The following SREBF2 variants were observed in gnomAD, a reference collection of about 807,000 sequenced individuals.
SREBF2 encodes sterol regulatory element binding transcription factor 2, also known as sterol regulatory element-binding protein 2.
In SREBF2, 55 loss-of-function variants were observed where a neutral mutation model predicts 113.1. That is an observed-to-expected ratio of 0.49 (90% confidence interval 0.39 to 0.61). SREBF2 has a LOEUF of 0.61. Among genes scored for constraint, SREBF2 ranks in the 20% least tolerant of loss-of-function variants. The pLI is 0.00. For missense variants in SREBF2, 1,349 were observed against 1,487.4 expected (o/e 0.91, Z 1.53); for synonymous variants, 593 against 605.7 (o/e 0.98, Z 0.31).
chr22:41,853,128 C>T (rs1301392653), intron 1 of SREBF2, among the ~76,000 whole-genome samples: 2 of 152,162 alleles, frequency 1.3e-5, no homozygotes, highest in Non-Finnish European at 2.9e-5. Context: ...CCATGTAAAC[C>T]AGAATGAGCA....
rs2077502321 is a variant in SREBF2, at chr22:41,905,686, C to G, written c.*26C>G. ...CCACCAGGCTCAGCCCACCCCTCCA[C>G]CTCTCTCTCGATTTCTCTCTCTCCC... is the stretch of plus-strand genomic sequence containing the variant. On this transcript the variant is annotated 3_prime_UTR_variant, in exon 19 of 19. Coordinates refer to ENST00000361204, the MANE Select transcript of SREBF2 (RefSeq NM_004599.4). 5.2e-6 allele frequency: 8 copies of G among 1,549,700 alleles called. No individual in the cohort carries two copies. The Middle Eastern group carries it at 1.0e-3, about 193-fold the overall frequency.
At chr22:41,841,498 C>T (rs1413458503) in intron 1 of SREBF2, among the ~76,000 whole-genome samples, 2 of 152,196 alleles carry the variant, frequency 1.3e-5, no homozygotes, top group Admixed American at 6.5e-5. Flanking sequence ...GTCTATTTGG[C>T]CTCGCCCTTG....
At chr22:41,874,729 A>G (rs1055693729) in intron 5 of SREBF2, among the ~76,000 whole-genome samples, 1 of 152,168 alleles carries the variant, frequency 6.6e-6, no homozygotes. Flanking sequence ...AACATGGTGA[A>G]ACCCCGTCTC....
intron 16 of SREBF2, among the ~76,000 whole-genome samples, chr22:41,901,964 T>C (rs6002527): frequency 0.14 from 21,301 of 152,238 alleles, 2,241 homozygotes; most frequent in African/African-American, 0.3. Context: ...TGCCCACAGG[T>C]GCTTCTGCAG....
rs745959339 is a variant in SREBF2 at position 41,900,896 on chromosome 22, A to T, written c.2907+398A>T. On this transcript the variant is annotated intron_variant, in intron 16 of 18. Transcript: ENST00000361204. ...CTCGGGCACACAAACAGAGCTGAAG[A>T]CCACCCTGGGCACCTCCTTGGCTGG... The T allele has an allele frequency of 2.1e-5, 11 of 525,880 alleles. 1 individual carries two copies. Among genetic ancestry groups the T allele is most frequent in the Middle Eastern group, 3.1e-4 (1 of 3,218 alleles). 32.6% of individuals were successfully genotyped at this position (525,880 alleles called of 1,614,324 possible).
At chr22:41,890,889 C>T (rs1360474178) in intron 11 of SREBF2, among the ~76,000 whole-genome samples, 1 of 151,082 alleles carries the variant, frequency 6.6e-6, no homozygotes, top group Non-Finnish European at 1.5e-5. Context: ...GCCTGGGTGA[C>T]AGAGCAAGAC....
At chr22:41,896,856 A>G (rs2077420878) in intron 13 of SREBF2, among the ~76,000 whole-genome samples, 196 bp from the exon 14 acceptor site, 1 of 152,168 alleles carries the variant, frequency 6.6e-6, no homozygotes, top group Non-Finnish European at 1.5e-5. Context: ...TGTCAGTGAC[A>G]GCCCAGAGAC....
rs1165779835 is a variant in SREBF2 at position 41,893,166 on chromosome 22, C to G, written c.2258C>G (p.Ala753Gly). 6.2e-7 allele frequency: 1 copy of G among 1,614,162 alleles called. No individual in the cohort carries two copies. The highest frequency in any genetic ancestry group is 8.5e-7 in the Non-Finnish European group (1 of 1,180,034). Residue 753 changes from alanine (A) to glycine (G), a missense_variant, in exon 12 of 19, where the codon GCT becomes GGT. Coordinates refer to ENST00000361204, the MANE Select transcript of SREBF2 (RefSeq NM_004599.4). ...AGCCTGTGTGGCCCCGAGCACAGTG[C>G]TGTTCCTGACTCCCTGCGCTGGCTC... ...AQSLCGPEHSAVPDSLRWLCH... is the reference protein window; with the variant it reads ...AQSLCGPEHSGVPDSLRWLCH...
chr22:41,871,360 G>C (rs1330247699), intron 4 of SREBF2, among the ~76,000 whole-genome samples: 1 of 152,128 alleles, frequency 6.6e-6, no homozygotes, highest in Non-Finnish European at 1.5e-5. Context: ...GGGCCACCAG[G>C]CAGGGAAGGG....
intron 10 of SREBF2, among the ~76,000 whole-genome samples, chr22:41,882,747 A>G (rs2148398789): frequency 6.6e-6 from 1 of 152,350 alleles, no homozygotes; most frequent in East Asian, 1.9e-4. Context: ...TGGAGGTTGC[A>G]GTGAGCCAAG....
intron 15 of SREBF2, chr22:41,899,945 G>C: frequency 1.7e-6 from 2 of 1,161,126 alleles, no homozygotes; most frequent in Non-Finnish European, 2.2e-6. Flanking sequence ...TATCTCCAGA[G>C]AGTTTAATAC....
At chr22:41,881,029 G>C (rs757737120) in intron 10 of SREBF2, 37 bp downstream of exon 10, 20 of 1,596,736 alleles carry the variant, frequency 1.3e-5, no homozygotes, top group African/African-American at 2.7e-5. Flanking sequence ...CTTGCTGCAA[G>C]GCATCTCATG....
At chr22:41,854,628 G>A (rs143612884) in intron 1 of SREBF2, among the ~76,000 whole-genome samples, 7 of 151,916 alleles carry the variant, frequency 4.6e-5, no homozygotes, top group Non-Finnish European at 8.8e-5. Context: ...CAGCACTTTG[G>A]GAGGCTGAGG....
chr22:41,895,055 A>G, intron 13 of SREBF2, 118 bp downstream of exon 13: 1 of 767,794 alleles, frequency 1.3e-6, no homozygotes, highest in Non-Finnish European at 2.3e-6. Flanking sequence ...TGGCAGGGCA[A>G]TCAAATGGTT....
chr22:41,869,398 T>C (rs991669519), intron 3 of SREBF2, among the ~76,000 whole-genome samples: 2 of 149,674 alleles, frequency 1.3e-5, no homozygotes, highest in Non-Finnish European at 3.0e-5. Flanking sequence ...TTGGCTTTCA[T>C]AGTTTTCTGT....
intron 13 of SREBF2, 144 bp from the exon 14 acceptor site, chr22:41,896,908 A>G: frequency 1.5e-6 from 1 of 646,082 alleles, no homozygotes; most frequent in East Asian, 3.0e-5. Flanking sequence ...GTACACATAG[A>G]CAGCGCTTGC....
intron 1 of SREBF2, among the ~76,000 whole-genome samples, chr22:41,848,082 AT>A (rs937227268): frequency 5.3e-5 from 8 of 150,636 alleles, no homozygotes; most frequent in African/African-American, 1.2e-4. Flanking sequence ...CGCCCAGCTA[AT>A]TTTTTTTTGT....
intron 4 of SREBF2, among the ~76,000 whole-genome samples, chr22:41,873,261 A>C (rs1159362447): frequency 2.0e-5 from 3 of 152,144 alleles, no homozygotes; most frequent in Middle Eastern, 3.2e-3. Flanking sequence ...GAGATGAAGA[A>C]TAAAAAGGGG....
In SREBF2 at chr22:41,880,849, G is replaced by T. The variant is rs377649542; in HGVS notation, c.1895G>T (p.Arg632Leu). ...ATCCGCTACAGCCTGCAGAAGCTAC[G>T]CCTGGTGCGCTGGCTGCTCAAGAAA... ...NVIRYSLQKL[R>L]LVRWLLKKVF... is the part of the protein sequence containing the mutation. The change falls in exon 10 of 19, where the codon CGC becomes CTC. Residue 632 changes from arginine to leucine, a missense_variant. Physicochemically the swap from Arg to Leu is moderately radical, Grantham distance 102. Transcript: ENST00000361204. The T allele has an allele frequency of 2.5e-6, 4 of 1,614,030 alleles. No homozygotes were observed. The highest frequency in any genetic ancestry group is 3.4e-6 in the Non-Finnish European group (4 of 1,180,024).
Sources: gnomAD v4.1 joint callset for allele counts (sites outside exome capture counted in the v4.1 genomes callset) on GRCh38, gnomAD v4.1.1 for gene constraint, MANE v1.5 for transcripts, NCBI Gene and HGNC (gene_info 2026-07-23, HGNC 2026-07-21) for gene names.